Variants in RPL38 observed in about 807,000 individuals in gnomAD.
RPL38 encodes ribosomal protein L38, also known as large ribosomal subunit protein eL38.
In RPL38, 2 loss-of-function variants were observed where a neutral mutation model predicts 12.8. The observed-to-expected ratio is 0.16, with a 90% CI of 0.06 to 0.49. RPL38 has a LOEUF of 0.49. Among genes scored for constraint, RPL38 ranks in the 20% least tolerant of loss-of-function variants. The pLI, the probability that RPL38 is intolerant of heterozygous loss-of-function variation, is 0.96. For synonymous variants in RPL38, 42 were observed against 30.1 expected (o/e 1.39, Z -1.29); for missense variants, 52 against 79.8 (o/e 0.65, Z 1.33).
At chr17:74,204,004 G>T (rs370511086) in intron 2 of RPL38, 46 bp downstream of exon 2, 3 of 1,612,958 alleles carry the variant, frequency 1.9e-6, no homozygotes, top group Non-Finnish European at 2.5e-6. Context: ...GGGCTCGTGG[G>T]GCCCCGGGGC....
chr17:74,205,481 C>T (rs2050104855), intron 3 of RPL38: 1 of 152,132 alleles, frequency 6.6e-6, no homozygotes, highest in Non-Finnish European at 1.5e-5. Flanking sequence ...AGATGGGGGT[C>T]ATATTTGTGT....
At chr17:74,204,457 A>C in intron 3 of RPL38, 2 of 475,692 alleles carry the variant, frequency 4.2e-6, no homozygotes, top group South Asian at 2.5e-5. Flanking sequence ...TAATATAGTA[A>C]ATTGTCGGAA....
chr17:74,208,780 A>G (rs1463983539), intron 3 of RPL38, among the ~76,000 whole-genome samples: 5 of 152,076 alleles, frequency 3.3e-5, no homozygotes, highest in Admixed American at 3.3e-4. Flanking sequence ...CTAAAAATAC[A>G]AAAAATTAGC....
rs1338620925 is a variant in RPL38, at chr17:74,209,064, G to C, written c.65-123G>C. ...ATAGTGTTTTCTGTTTGCACAGAGG[G>C]ATGGTACTGGAGGTGGGTGCTGTCT... On this transcript the variant is annotated intron_variant, in intron 3 of 4. Coordinates refer to ENST00000311111, the MANE Select transcript of RPL38 (RefSeq NM_000999.4). 5 of 962,502 alleles carry C rather than the reference G, an allele frequency of 5.2e-6. No homozygotes were observed. The East Asian group carries it at 7.2e-5, about 14-fold the overall frequency. The allele number at this position is 962,502 out of a possible 1,614,324, so 59.6% of individuals were successfully genotyped here.
chr17:74,204,093 C>T (rs746444095), intron 2 of RPL38, 37 bp from the exon 3 acceptor site: 29 of 1,613,618 alleles, frequency 1.8e-5, no homozygotes, highest in South Asian at 1.1e-4. Context: ...AGACGTGTCT[C>T]TTTCCTCTCT....
chr17:74,208,344 C>G (rs182330687), intron 3 of RPL38, among the ~76,000 whole-genome samples: 4 of 152,322 alleles, frequency 2.6e-5, no homozygotes, highest in East Asian at 1.9e-4. Flanking sequence ...GTGCACGATT[C>G]AAACCCCACA....
chr17:74,204,482 C>G (rs765698816), intron 3 of RPL38: 1 of 432,780 alleles, frequency 2.3e-6, no homozygotes, highest in African/African-American at 2.0e-5. Context: ...ATCTCCACTC[C>G]GCGAAAGCCT....
At chr17:74,204,548 A>C in intron 3 of RPL38, 1 of 310,406 alleles carries the variant, frequency 3.2e-6, no homozygotes, top group Non-Finnish European at 6.1e-6. Flanking sequence ...GCAAAATCTT[A>C]ACACAAAATC....
intron 4 of RPL38, chr17:74,209,573 A>G: frequency 1.6e-6 from 1 of 622,888 alleles, no homozygotes; most frequent in Non-Finnish European, 2.8e-6. Flanking sequence ...TAGTACTGAT[A>G]GTCCCCATTT....
chr17:74,207,512 G>C (rs2050126017), intron 3 of RPL38, among the ~76,000 whole-genome samples: 1 of 151,876 alleles, frequency 6.6e-6, no homozygotes, highest in African/African-American at 2.4e-5. Flanking sequence ...TGGCAATGTT[G>C]AGTAAACTTT....
Position 74,209,979 on chromosome 17 carries a change from T to A in RPL38, c.*150T>A. 4.1e-4 allele frequency: 28 copies of A among 69,132 alleles called. No homozygotes were observed. Among genetic ancestry groups the A allele is most frequent in the East Asian group, 6.3e-4 (2 of 3,176 alleles). 4.3% of individuals were successfully genotyped at this position (69,132 alleles called of 1,614,324 possible). ...GGTTCTGTTGCTGCCTTCCTGTGTC[T>A]TTTTTTTTTTTTTTTTTTCTTTCTT... On this transcript the variant is annotated 3_prime_UTR_variant, in exon 5 of 5. Transcript: ENST00000311111.
chr17:74,204,483 G>C, intron 3 of RPL38: 1 of 435,402 alleles, frequency 2.3e-6, no homozygotes, highest in Non-Finnish European at 4.2e-6. Flanking sequence ...TCTCCACTCC[G>C]CGAAAGCCTC....
intron 3 of RPL38, among the ~76,000 whole-genome samples, chr17:74,206,480 A>G (rs2050114950): frequency 6.6e-6 from 1 of 152,056 alleles, no homozygotes; most frequent in African/African-American, 2.4e-5. Flanking sequence ...TGCCACCATC[A>G]CCGCCCATCT....
rs1369566589 is a variant in RPL38 at position 74,210,184 on chromosome 17, C to G, written c.*355C>G. The G allele has an allele frequency of 1.0e-5, 2 of 193,754 alleles. No homozygotes were observed. The highest frequency in any genetic ancestry group is 5.8e-5 in the Admixed American group (1 of 17,332). 12.0% of individuals were successfully genotyped at this position (193,754 alleles called of 1,614,324 possible). On this transcript the variant is annotated 3_prime_UTR_variant, in exon 5 of 5. Transcript: ENST00000311111. ...TGTATTTGTAGTAGAGACAGGGTTT[C>G]ACTGCCTGCCTCAGCCTCCCATAGT... is the stretch of plus-strand genomic sequence containing the variant.
intron 3 of RPL38, among the ~76,000 whole-genome samples, chr17:74,206,713 T>C (rs1253847792): frequency 2.1e-4 from 28 of 133,354 alleles, no homozygotes; most frequent in Non-Finnish European, 3.4e-4. Flanking sequence ...TCTTTCTTTT[T>C]TTTTTTTTTT....
At chr17:74,209,058 C>T in intron 3 of RPL38, 129 bp from the exon 4 acceptor site, 1 of 929,424 alleles carries the variant, frequency 1.1e-6, no homozygotes, top group Non-Finnish European at 1.7e-6. Context: ...TCTGTTTGCA[C>T]AGAGGGATGG....
rs547760302 is a variant in RPL38, at chr17:74,210,068, A to G, written c.*239A>G. On this transcript the variant is annotated 3_prime_UTR_variant, in exon 5 of 5. Coordinates refer to ENST00000311111, the MANE Select transcript of RPL38 (RefSeq NM_000999.4). ...AGTGGTGCGATATCAGCTCACTACC[A>G]CCTCCGCCTCCTGGGTTCAAGCGAC... 2 of 402,608 alleles carry G rather than the reference A, an allele frequency of 5.0e-6. No homozygotes were observed. The highest frequency in any genetic ancestry group is 4.3e-6 in the Non-Finnish European group (1 of 231,508). The allele number at this position is 402,608 out of a possible 1,614,324, so 24.9% of individuals were successfully genotyped here.
chr17:74,203,688 CTT>C lies in RPL38; in HGVS notation c.-93_-92del, dbSNP rs2050080860. On this transcript the variant is annotated 5_prime_UTR_variant, in exon 1 of 5. Coordinates refer to ENST00000311111, the MANE Select transcript of RPL38 (RefSeq NM_000999.4). ...AACGGAAGTCTCGTTCTTTTTCGTCCTTTTCCCCGGTTGCTGCTTGCTGTGAG... is the reference window on the plus strand; with the variant it reads ...AACGGAAGTCTCGTTCTTTTTCGTCCTTCCCCGGTTGCTGCTTGCTGTGAG... The C allele has an allele frequency of 2.0e-6, 1 of 507,346 alleles. No homozygotes were observed. The highest frequency in any genetic ancestry group is 1.9e-5 in the African/African-American group (1 of 51,812). 31.4% of individuals were successfully genotyped at this position (507,346 alleles called of 1,614,324 possible). A position where few individuals can be genotyped will look rare whatever the true frequency, so the allele number is the denominator to read the frequency against.
intron 2 of RPL38, 81 bp downstream of exon 2, chr17:74,204,039 TCTC>T (rs764257326): frequency 1.2e-6 from 2 of 1,611,880 alleles, no homozygotes; most frequent in Admixed American, 1.7e-5. Context: ...CTCCCAAGGA[TCTC>T]CTGAGGCCGG....
Sources: allele counts gnomAD v4.1 joint callset (sites outside exome capture counted in the v4.1 genomes callset), GRCh38; gene constraint gnomAD v4.1.1; transcripts MANE v1.5; gene names NCBI Gene and HGNC (gene_info 2026-07-23, HGNC 2026-07-21).